PCM1: variants seen among roughly 807,000 people sequenced by gnomAD.
PCM1 encodes pericentriolar material 1, also known as pericentriolar material 1 protein.
PCM1 carries 157 observed loss-of-function variants against 241.9 expected under a neutral mutation model. That is an observed-to-expected ratio of 0.65 (90% CI 0.57 to 0.74). The LOEUF is 0.74. Among genes scored for constraint, PCM1 ranks in the 30% least tolerant of loss-of-function variants. The probability of loss-of-function intolerance (pLI) is 0.00; values close to 1 mark genes in which losing one functional copy is unlikely to be tolerated. For synonymous variants in PCM1, 1,085 were observed against 784.9 expected, an observed-to-expected ratio of 1.38 and a Z score of -6.39; for missense variants, 3,478 against 2,360.1, an observed-to-expected ratio of 1.47 and a Z score of -9.81.
chr8:18,004,239 G>C (rs556274983), intron 29 of PCM1, among the ~76,000 whole-genome samples: 161 of 152,230 alleles, frequency 1.1e-3, no homozygotes, highest in African/African-American at 3.8e-3. Flanking sequence ...TTGAGTCTGT[G>C]AAATGTTTAA....
intron 24 of PCM1, among the ~76,000 whole-genome samples, chr8:17,981,188 C>T (rs564045478): frequency 1.3e-5 from 2 of 152,276 alleles, no homozygotes; most frequent in South Asian, 4.1e-4. Flanking sequence ...ACACACTCTG[C>T]CTTGAACTTT....
At chr8:17,978,932 A>T (rs2079704464) in intron 23 of PCM1, among the ~76,000 whole-genome samples, 1 of 152,178 alleles carries the variant, frequency 6.6e-6, no homozygotes, top group Non-Finnish European at 1.5e-5. Context: ...TATCAAAGGG[A>T]CAAATAATCA....
chr8:17,949,804 T>C (rs555456191), intron 7 of PCM1, among the ~76,000 whole-genome samples: 160 of 152,282 alleles, frequency 1.1e-3, no homozygotes, highest in African/African-American at 3.8e-3. Context: ...GCCACCAATG[T>C]CTGTTTTAGA....
Position 17,960,397 on chromosome 8 carries a change from A to C in PCM1, c.2275A>C (p.Ile759Leu), listed in dbSNP as rs776937740. Residue 759 changes from isoleucine to leucine, a missense_variant, in exon 15 of 39, where the codon ATT (isoleucine) becomes CTT (leucine). Physicochemically the swap from Ile to Leu is conservative, Grantham distance 5 (BLOSUM62 2). Coordinates refer to ENST00000325083, the MANE Select transcript of PCM1 (RefSeq NM_006197.4). Reference sequence around the variant, plus strand: ...GGAAGAAAGAAAGAAACTGATTGACATTCAGGAGAAAATTCAAGCATTGCA... The same window carrying C: ...GGAAGAAAGAAAGAAACTGATTGACCTTCAGGAGAAAATTCAAGCATTGCA... ...LQEERKKLIDIQEKIQALQTA... is the reference protein window; with the variant it reads ...LQEERKKLIDLQEKIQALQTA... 2.6e-5 allele frequency: 41 copies of C among 1,606,972 alleles called. No homozygotes were observed. Among genetic ancestry groups the C allele is most frequent in the Non-Finnish European group, 3.3e-5 (39 of 1,177,482 alleles).
At chr8:17,954,595 A>G (rs1421631789) in intron 9 of PCM1, among the ~76,000 whole-genome samples, 1 of 152,082 alleles carries the variant, frequency 6.6e-6, no homozygotes, top group Non-Finnish European at 1.5e-5. Context: ...CAAAAGGTAG[A>G]CTCGTCAAGG....
chr8:18,011,231 G>A lies in PCM1; in HGVS notation c.5221-6G>A, dbSNP rs376331467. The A allele has an allele frequency of 3.1e-6, 5 of 1,592,410 alleles. No homozygotes were observed. The highest frequency in any genetic ancestry group is 1.2e-5 in the South Asian group (1 of 86,882). ...GAATTAATTACTCAAATATTTTTGT[G>A]TCTAGGACAAGGATGAAACTGAAAC... On this transcript the variant is annotated splice_region_variant and splice_polypyrimidine_tract_variant and intron_variant, in intron 32 of 38. Transcript: ENST00000325083.
At chr8:17,972,766 T>G in intron 23 of PCM1, 79 bp downstream of exon 23, 1 of 819,734 alleles carries the variant, frequency 1.2e-6, no homozygotes, top group Non-Finnish European at 1.8e-6. Context: ...TAGATATAGT[T>G]TCAGTAAGGC....
chr8:17,955,785 G>C, intron 10 of PCM1, 132 bp downstream of exon 10: 1 of 724,890 alleles, frequency 1.4e-6, no homozygotes. Context: ...GGGATAGGTA[G>C]AAGAGGCGTG....
chr8:17,931,349 C>T (rs749059690), intron 2 of PCM1, among the ~76,000 whole-genome samples: 4 of 151,414 alleles, frequency 2.6e-5, no homozygotes, highest in Admixed American at 1.3e-4. Context: ...AGTGCAGTGG[C>T]GTGATCTCAG....
intron 2 of PCM1, 84 bp from the exon 3 acceptor site, chr8:17,935,505 T>G (rs1563660582): frequency 1.6e-6 from 1 of 608,526 alleles, no homozygotes; most frequent in Non-Finnish European, 3.0e-6. Flanking sequence ...CTTCAAAGAT[T>G]GTATTGCTAA....
chr8:18,003,070 C>T (rs1164989728), intron 29 of PCM1, among the ~76,000 whole-genome samples: 1 of 152,140 alleles, frequency 6.6e-6, no homozygotes, highest in African/African-American at 2.4e-5. Flanking sequence ...CTGAGTAAAC[C>T]TCTGCCTTAT....
At chr8:17,976,334 C>T (rs966371295) in intron 23 of PCM1, among the ~76,000 whole-genome samples, 6 of 152,318 alleles carry the variant, frequency 3.9e-5, no homozygotes, top group African/African-American at 1.2e-4. Flanking sequence ...AATGGTGGGA[C>T]ACCCTGTTGC....
At chr8:17,946,859 G>GTGTC (rs1413852744) in intron 6 of PCM1, among the ~76,000 whole-genome samples, 9 of 151,828 alleles carry the variant, frequency 5.9e-5, no homozygotes, top group African/African-American at 2.2e-4. Context: ...GTGTGTGTGT[G>GTGTC]TGTGTGTGTG....
At position 17,953,150 on chromosome 8, in the gene PCM1, C is replaced by T. The variant is rs1320098955; in HGVS notation, c.1252C>T (p.His418Tyr). The part of the protein sequence containing the change: ...QKMDKLLGEL[H>Y]TLRDQHLNNS... ...AATGGACAAATTGCTTGGAGAACTT[C>T]ATACACTTCGAGATCAGCATCTTAA... Residue 418 changes from histidine to tyrosine, a missense_variant, in exon 9 of 39, where the codon CAT (histidine) becomes TAT (tyrosine). By Grantham distance (83) the His-to-Tyr change is moderately conservative. Transcript: ENST00000325083. 1.3e-6 allele frequency: 2 copies of T among 1,582,728 alleles called. No homozygotes were observed. The highest frequency in any genetic ancestry group is 3.6e-5 in the Admixed American group (2 of 55,442).
At chr8:17,984,942 G>A (rs1230212000) in intron 24 of PCM1, among the ~76,000 whole-genome samples, 1 of 151,880 alleles carries the variant, frequency 6.6e-6, no homozygotes, top group African/African-American at 2.4e-5. Context: ...TCTGTGTGAT[G>A]TATGAGATTT....
chr8:17,993,536 A>G lies in PCM1; in HGVS notation c.4744A>G (p.Thr1582Ala). The G allele has an allele frequency of 1.3e-6, 2 of 1,593,396 alleles. No homozygotes were observed. Among genetic ancestry groups the G allele is most frequent in the African/African-American group, 1.3e-5 (1 of 74,628 alleles). Residue 1582 changes from threonine (T) to alanine (A), a missense_variant, in exon 29 of 39, where the codon ACC becomes GCC. Thr to Ala is a moderately conservative substitution (Grantham distance 58, BLOSUM62 0). Transcript: ENST00000325083. ...ACAACAACCTGTAAGTGAAGTTTCT[A>G]CCATCCCATGTCCTAGAATTGATAC... ...SSQQPVSEVS[T>A]IPCPRIDTQQ...
chr8:18,008,254 T>A (rs545250455), intron 30 of PCM1, among the ~76,000 whole-genome samples: 2 of 151,932 alleles, frequency 1.3e-5, no homozygotes, highest in South Asian at 4.2e-4. Flanking sequence ...CTCATAGGAG[T>A]GTGAACCCTA....
intron 17 of PCM1, 113 bp downstream of exon 17, chr8:17,963,404 T>A: frequency 3.0e-6 from 2 of 672,234 alleles, no homozygotes; most frequent in Non-Finnish European, 4.8e-6. Flanking sequence ...GCTATTTCAG[T>A]GAGGCTACTG....
At chr8:18,018,532 C>A (rs2093438069) in intron 36 of PCM1, among the ~76,000 whole-genome samples, 1 of 152,098 alleles carries the variant, frequency 6.6e-6, no homozygotes, top group Non-Finnish European at 1.5e-5. Flanking sequence ...TATAATCCTA[C>A]AGTTAAGAAA....
Sources: gnomAD v4.1 joint callset for allele counts (sites outside exome capture counted in the v4.1 genomes callset) on GRCh38, gnomAD v4.1.1 for gene constraint, MANE v1.5 for transcripts, NCBI Gene and HGNC (gene_info 2026-07-23, HGNC 2026-07-21) for gene names.